The following TBC1D8B variants were observed in gnomAD, a reference collection of about 807,000 sequenced individuals.
The protein encoded by TBC1D8B is TBC1 domain family member 8B.
In TBC1D8B, 75 loss-of-function variants were observed where a neutral mutation model predicts 82.9. The observed-to-expected ratio is 0.90, with a 90% CI of 0.75 to 1.10. TBC1D8B has a LOEUF of 1.10. TBC1D8B is among the 50% of genes least tolerant of loss of function. The probability of loss-of-function intolerance (pLI) is 0.00; values close to 1 mark genes in which losing one functional copy is unlikely to be tolerated. For synonymous variants in TBC1D8B, 276 were observed against 276.8 expected, an observed-to-expected ratio of 1.00 and a Z score of 0.03; for missense variants, 794 against 796.9, an observed-to-expected ratio of 1.00 and a Z score of 0.04.
At chrX:106,812,102 T>A (rs1261562305) in intron 1 of TBC1D8B, among the ~76,000 whole-genome samples, 1 of 108,350 alleles carries the variant, frequency 9.2e-6, no homozygotes, top group African/African-American at 3.6e-5. Context: ...TTTCCGAAGC[T>A]CTTAATATAA....
intron 14 of TBC1D8B, among the ~76,000 whole-genome samples, chrX:106,855,417 A>G (rs1932675691): frequency 8.9e-6 from 1 of 112,346 alleles, no homozygotes; most frequent in African/African-American, 3.2e-5. Context: ...ATATCCTTTC[A>G]GATCTTTTAT....
intron 7 of TBC1D8B, among the ~76,000 whole-genome samples, chrX:106,831,160 A>T (rs1932037225): frequency 9.0e-6 from 1 of 111,071 alleles, no homozygotes; most frequent in Admixed American, 9.6e-5. Flanking sequence ...AGAAAAACTA[A>T]ATGTGTCTTT....
At chrX:106,816,533 C>T (rs1479104976) in intron 1 of TBC1D8B, among the ~76,000 whole-genome samples, 2 of 110,533 alleles carry the variant, frequency 1.8e-5, no homozygotes, top group Non-Finnish European at 1.9e-5. Flanking sequence ...TTCTGTTTCC[C>T]TCATCCTCAT....
chrX:106,832,881 A>G (rs1932079407), intron 7 of TBC1D8B, among the ~76,000 whole-genome samples: 1 of 111,211 alleles, frequency 9.0e-6, no homozygotes, highest in Admixed American at 9.6e-5. Context: ...TGATAAGAAT[A>G]AGGTGCTTCC....
chrX:106,803,114 C>G (rs1324109905), intron 1 of TBC1D8B, 131 bp downstream of exon 1: 1 of 746,199 alleles, frequency 1.3e-6, no homozygotes, highest in African/African-American at 2.1e-5. Flanking sequence ...GGGTTCTTCT[C>G]CCGACACCAC....
intron 1 of TBC1D8B, among the ~76,000 whole-genome samples, chrX:106,812,869 A>G (rs1191200405): frequency 9.0e-6 from 1 of 110,818 alleles, no homozygotes; most frequent in Non-Finnish European, 1.9e-5. Flanking sequence ...TTTATTTTTG[A>G]GATGAGTCTC....
intron 14 of TBC1D8B, among the ~76,000 whole-genome samples, chrX:106,864,331 C>G (rs1388443938): frequency 9.1e-6 from 1 of 109,855 alleles, no homozygotes; most frequent in Non-Finnish European, 1.9e-5. Flanking sequence ...AGGCTGCTGC[C>G]CAGCTTCCCT....
chrX:106,854,231 A>T lies in TBC1D8B; in HGVS notation c.2287A>T (p.Ser763Cys). ...YGNIRYEDIH[S>C]MRCRNRLYVI... is the part of the protein sequence containing the mutation. ...TAATATTCGCTATGAAGATATACAT[A>T]GTATGCGCTGTCGAAATAGGTTGTA... Residue 763 changes from serine (S) to cysteine (C), a missense_variant, in exon 14 of 21, where the codon AGT becomes TGT. Coordinates refer to ENST00000357242, the MANE Select transcript of TBC1D8B (RefSeq NM_017752.3). 1 of 1,195,135 alleles carries T rather than the reference A, an allele frequency of 8.4e-7. No individual in the cohort carries two copies. Among genetic ancestry groups the T allele is most frequent in the Non-Finnish European group, 1.1e-6 (1 of 888,657 alleles).
chrX:106,866,084 G>A (rs1353524643), intron 16 of TBC1D8B, 51 bp downstream of exon 16: 1 of 1,136,201 alleles, frequency 8.8e-7, no homozygotes, highest in East Asian at 3.0e-5. Flanking sequence ...GAAATACTTA[G>A]TACTGCCTAT....
At chrX:106,853,426 T>A in intron 12 of TBC1D8B, 95 bp from the exon 13 acceptor site, 1 of 899,916 alleles carries the variant, frequency 1.1e-6, no homozygotes, top group South Asian at 2.5e-5. Context: ...CAGTTGAAAG[T>A]AACCTCTAAC....
At chrX:106,828,554 C>G (rs1931926085) in intron 7 of TBC1D8B, 1 of 110,451 alleles carries the variant, frequency 9.1e-6, no homozygotes, top group Non-Finnish European at 1.9e-5. Flanking sequence ...AAAATACTGG[C>G]AAGCCGAATC....
At chrX:106,846,312 C>T (rs1444361009) in intron 10 of TBC1D8B, among the ~76,000 whole-genome samples, 1 of 106,084 alleles carries the variant, frequency 9.4e-6, no homozygotes. Context: ...TTCACCATGT[C>T]GGCCAGGCTG....
At chrX:106,824,292 C>A (rs1315271515) in intron 5 of TBC1D8B, among the ~76,000 whole-genome samples, 1 of 110,829 alleles carries the variant, frequency 9.0e-6, no homozygotes, top group Non-Finnish European at 1.9e-5. Context: ...ATAAGAGGAA[C>A]CTAAGCCAAA....
At chrX:106,855,158 G>A (rs1255382676) in intron 14 of TBC1D8B, among the ~76,000 whole-genome samples, 1 of 111,792 alleles carries the variant, frequency 8.9e-6, no homozygotes, top group Non-Finnish European at 1.9e-5. Context: ...TAAAGGCCAA[G>A]GTCCTCAGAG....
chrX:106,818,192 A>G (rs1403701814), intron 1 of TBC1D8B, among the ~76,000 whole-genome samples: 3 of 111,326 alleles, frequency 2.7e-5, no homozygotes, highest in Non-Finnish European at 5.7e-5. Context: ...GTTAAATGTA[A>G]CAACTCATTT....
chrX:106,838,139 A>G (rs1932219778), intron 7 of TBC1D8B, among the ~76,000 whole-genome samples: 1 of 111,409 alleles, frequency 9.0e-6, no homozygotes, highest in Non-Finnish European at 1.9e-5. Flanking sequence ...TCTTTTGCCC[A>G]CTTTTTAATG....
rs1337011277 is a variant in TBC1D8B at position 106,875,285 on chromosome X, G to GTTT, written c.*1320_*1321insTTT. ...TTTCTAGATGTGAAACCATGAAAGG[G>GTTT]CAGACCTCCTTCAGAGTGACTCAAG... On this transcript the variant is annotated 3_prime_UTR_variant, in exon 21 of 21. Transcript: ENST00000357242. 1.2e-4 allele frequency: 13 copies of GTTT among 111,893 alleles called. No individual in the cohort carries two copies. Among genetic ancestry groups the GTTT allele is most frequent in the African/African-American group, 4.2e-4 (13 of 30,782 alleles). 9.2% of individuals were successfully genotyped at this position (111,893 alleles called of 1,213,427 possible).
At chrX:106,857,492 C>T (rs745820196) in intron 14 of TBC1D8B, among the ~76,000 whole-genome samples, 1 of 111,301 alleles carries the variant, frequency 9.0e-6, no homozygotes, top group South Asian at 3.8e-4. Context: ...CACAGGGTTT[C>T]GTGTACAGAT....
Position 106,826,078 on chromosome X carries a change from G to C in TBC1D8B, c.876G>C (p.Arg292Ser). Residue 292 changes from arginine (R) to serine (S), a missense_variant, in exon 6 of 21, where the codon AGG becomes AGC. Transcript: ENST00000357242. The stretch of plus-strand genomic sequence containing the variant: ...GTGAGCAATTTAATGCCTTTTTTAG[G>C]CTGCCCAAAGGAGAGAGTTTGAAAG... Reference protein sequence around the residue: ...AHSEQFNAFFRLPKGESLKEV... With the variant: ...AHSEQFNAFFSLPKGESLKEV... 8.3e-7 allele frequency: 1 copy of C among 1,210,361 alleles called. No homozygotes were observed. Among genetic ancestry groups the C allele is most frequent in the African/African-American group, 1.7e-5 (1 of 57,592 alleles).
Sources: allele counts gnomAD v4.1 joint callset (sites outside exome capture counted in the v4.1 genomes callset), GRCh38; gene constraint gnomAD v4.1.1; transcripts MANE v1.5; gene names NCBI Gene and HGNC (gene_info 2026-07-23, HGNC 2026-07-21).